The following SHC2 variants were observed in gnomAD, a reference collection of about 807,000 sequenced individuals.
SHC2 encodes SHC-transforming protein 2.
SHC2 carries 62 observed loss-of-function variants against 60.6 expected under a neutral mutation model. The ratio of observed to expected loss-of-function variants is 1.02; its 90% CI spans 0.83 to 1.26. The LOEUF is 1.26. Among genes scored for constraint, SHC2 ranks in the 50% most tolerant of loss-of-function variants. The probability of loss-of-function intolerance (pLI) is 0.00; values close to 1 mark genes in which losing one functional copy is unlikely to be tolerated. For synonymous variants in SHC2, 375 were observed against 372.4 expected (o/e 1.01, Z -0.08); for missense variants, 873 against 822.2 (o/e 1.06, Z -0.76).
At chr19:430,424 T>C (rs1264356642) in intron 9 of SHC2, among the ~76,000 whole-genome samples, 1 of 151,702 alleles carries the variant, frequency 6.6e-6, no homozygotes, top group African/African-American at 2.4e-5. Context: ...GATGACACAG[T>C]ACCTATACCC....
intron 1 of SHC2, among the ~76,000 whole-genome samples, chr19:457,314 C>G (rs565562182): frequency 7.0e-6 from 1 of 143,820 alleles, no homozygotes; most frequent in East Asian, 2.1e-4. Flanking sequence ...TGCTGTACCC[C>G]CCCTAGATCT....
rs1489362395 is a variant in SHC2, at chr19:429,570, G to A, written c.1174+1114C>T. Among the ~76,000 whole-genome samples the A allele has an allele frequency of 6.8e-5, 10 of 147,874 alleles. No individual in the cohort carries two copies. In the East Asian group the frequency reaches 1.6e-3, roughly 24 times the overall value. ...CCAACGTGCACAGAAACCTAACACC[G>A]TGTGGATGACGCAGTACCTATACCC... On this transcript the variant is annotated intron_variant, in intron 9 of 12. Coordinates refer to ENST00000264554, the MANE Select transcript of SHC2 (RefSeq NM_012435.3).
chr19:427,037 G>A (rs564728092), intron 9 of SHC2, among the ~76,000 whole-genome samples: 8 of 152,326 alleles, frequency 5.3e-5, no homozygotes, highest in African/African-American at 1.4e-4. Context: ...GCGAGCCCCC[G>A]GTCCGGGGTG....
At chr19:423,669 G>A (rs1398836959) in intron 10 of SHC2, among the ~76,000 whole-genome samples, 2 of 151,892 alleles carry the variant, frequency 1.3e-5, no homozygotes, top group Non-Finnish European at 2.9e-5. Context: ...CTGGTCCTGG[G>A]GGGTCCTCCA....
chr19:419,165 G>T, intron 11 of SHC2, 109 bp from the exon 12 acceptor site: 1 of 1,280,842 alleles, frequency 7.8e-7, no homozygotes, highest in Non-Finnish European at 1.0e-6. Flanking sequence ...TGCCTGCATG[G>T]ACGAGGGGCC....
chr19:460,507 G>T, intron 1 of SHC2, 22 bp downstream of exon 1: 1 of 1,065,762 alleles, frequency 9.4e-7, no homozygotes, highest in Non-Finnish European at 1.2e-6. Flanking sequence ...ACGGGCTCCC[G>T]GGGGGGGTGG....
In SHC2 at chr19:440,880, G is replaced by C. The variant is rs372136812; in HGVS notation, c.521C>G (p.Thr174Arg). The change falls in exon 2 of 13, where the codon ACG (threonine) becomes AGG (arginine). Residue 174 changes from threonine (T) to arginine (R), a missense_variant. Coordinates refer to ENST00000264554, the MANE Select transcript of SHC2 (RefSeq NM_012435.3). This position sits in a 1 kb window ranked among gnomAD's most constrained non-coding sequence, Gnocchi z 7.0. The part of the protein sequence containing the change: ...LRSMRSLDFN[T>R]RTQVTREAIN... The stretch of plus-strand genomic sequence containing the variant: ...GGCTCACCTGGTCACCTGCGTGCGC[G>C]TGTTAAAGTCCAGGGAGCGCATAGA... The C allele has an allele frequency of 1.2e-5, 20 of 1,612,608 alleles. No individual in the cohort carries two copies. The highest frequency in any genetic ancestry group is 1.7e-5 in the Non-Finnish European group (20 of 1,179,718).
chr19:435,809 C>G (rs906436989), intron 7 of SHC2: 5 of 241,804 alleles, frequency 2.1e-5, no homozygotes, highest in Non-Finnish European at 3.3e-5. Flanking sequence ...CAGACACGTC[C>G]CCCCCTTTAC....
At chr19:454,455 G>A (rs573292279) in intron 1 of SHC2, among the ~76,000 whole-genome samples, 6 of 152,284 alleles carry the variant, frequency 3.9e-5, no homozygotes, top group South Asian at 4.1e-4. Context: ...TCGGTCTCCC[G>A]TGGCTGCCCT....
At chr19:450,331 T>C (rs1816651513) in intron 1 of SHC2, among the ~76,000 whole-genome samples, 1 of 152,238 alleles carries the variant, frequency 6.6e-6, no homozygotes, top group African/African-American at 2.4e-5. Context: ...GTGTGCTTGC[T>C]TTTTTATTGT....
rs1428889526 is a variant in SHC2 at position 445,271 on chromosome 19, C to T, written c.469-4339G>A. Among the ~76,000 whole-genome samples the T allele has an allele frequency of 6.6e-6, 1 of 152,152 alleles. No homozygotes were observed. Among genetic ancestry groups the T allele is most frequent in the Non-Finnish European group, 1.5e-5 (1 of 68,032 alleles). On this transcript the variant is annotated intron_variant, in intron 1 of 12. Transcript: ENST00000264554. The surrounding 1 kb of genome is among the most constrained non-coding windows in gnomAD (Gnocchi z 4.4). The stretch of plus-strand genomic sequence containing the variant: ...GGAGGTGAGGAGGCTATGAGGGCTC[C>T]ACCCTCAGGACTGGGATCAGTGCCC...
chr19:419,128 T>C, intron 11 of SHC2, 72 bp from the exon 12 acceptor site: 2 of 1,479,584 alleles, frequency 1.4e-6, no homozygotes, highest in Non-Finnish European at 1.8e-6. Flanking sequence ...ATTGGCGTTC[T>C]GGGGTCCTGC....
At position 439,047 on chromosome 19, in the gene SHC2, G is replaced by A. The variant is rs1974790048; in HGVS notation, c.540-17C>T. 5 of 1,572,376 alleles carry A rather than the reference G, an allele frequency of 3.2e-6. No individual in the cohort carries two copies. The highest frequency in any genetic ancestry group is 1.2e-5 in the South Asian group (1 of 86,090). On this transcript the variant is annotated splice_polypyrimidine_tract_variant and intron_variant, in intron 2 of 12. Coordinates refer to ENST00000264554, the MANE Select transcript of SHC2 (RefSeq NM_012435.3). ...ATGGCTTCCCTGGGGTTGGGAGGAG[G>A]GGGCTTAGAGAGTGTGGTGGGGGTG...
In SHC2 at chr19:428,813, G is replaced by A. The variant is rs561373408; in HGVS notation, c.1174+1871C>T. ...GGATGACACAGTATCTACACCCAACGTGCACAGAAACCTAATACTGTGTGG... is the reference window on the plus strand; with the variant it reads ...GGATGACACAGTATCTACACCCAACATGCACAGAAACCTAATACTGTGTGG... On this transcript the variant is annotated intron_variant, in intron 9 of 12. Transcript: ENST00000264554. 2.0e-5 allele frequency among the ~76,000 whole-genome samples: 3 copies of A among 151,446 alleles called. No homozygotes were observed. The East Asian group carries it at 5.8e-4, about 30-fold the overall frequency.
intron 11 of SHC2, among the ~76,000 whole-genome samples, chr19:421,397 C>CAAAAAAAAA (rs10582067): frequency 2.5e-5 from 3 of 120,142 alleles, no homozygotes; most frequent in Non-Finnish European, 3.4e-5. Context: ...GAGACTCCAT[C>CAAAAAAAAA]AAAAAAAAAA....
At chr19:460,280 C>T (rs930122399) in intron 1 of SHC2, among the ~76,000 whole-genome samples, 1 of 150,624 alleles carries the variant, frequency 6.6e-6, no homozygotes, top group African/African-American at 2.4e-5. Flanking sequence ...TGCACCTGCG[C>T]ATGCGCGCCC....
intron 9 of SHC2, among the ~76,000 whole-genome samples, chr19:428,391 G>A (rs914362077): frequency 3.9e-5 from 6 of 152,356 alleles, no homozygotes; most frequent in Middle Eastern, 3.4e-3. Flanking sequence ...CATGGCAAAG[G>A]CCTGCAATCA....
At chr19:421,056 A>G (rs542922943) in intron 11 of SHC2, among the ~76,000 whole-genome samples, 25 of 151,132 alleles carry the variant, frequency 1.7e-4, no homozygotes, top group Non-Finnish European at 3.1e-4. Context: ...TCAAGAAAGA[A>G]AGAAAGGAAA....
rs540902258 is a variant in SHC2 at position 442,257 on chromosome 19, G to A, written c.469-1325C>T. Among the ~76,000 whole-genome samples the A allele has an allele frequency of 4.6e-5, 7 of 151,624 alleles. No individual in the cohort carries two copies. The South Asian group carries it at 8.4e-4, about 18-fold the overall frequency. On this transcript the variant is annotated intron_variant, in intron 1 of 12. Coordinates refer to ENST00000264554, the MANE Select transcript of SHC2 (RefSeq NM_012435.3). ...TAGATGGGTGGGTGAGTGGGTGAAC[G>A]GATGGATGATGGGTGAGTGGATGAT...
Sources: gnomAD v4.1 joint callset for allele counts (sites outside exome capture counted in the v4.1 genomes callset) on GRCh38, gnomAD v4.1.1 for gene constraint, Gnocchi (gnomAD v3.1) non-coding constraint, MANE v1.5 for transcripts, NCBI Gene and HGNC (gene_info 2026-07-23, HGNC 2026-07-21) for gene names.